IL3RA: variants seen among roughly 807,000 people sequenced by gnomAD.
The protein encoded by IL3RA is interleukin-3 receptor subunit alpha.
A neutral mutation model predicts 52.3 loss-of-function variants in IL3RA; 73 were observed. That is an observed-to-expected ratio of 1.40 (90% CI 1.16 to 1.70). The LOEUF (loss-of-function observed/expected upper bound fraction) is 1.70. IL3RA is among the 40% of genes most tolerant of loss of function. The pLI, the probability that IL3RA is intolerant of heterozygous loss-of-function variation, is 0.00. For missense variants in IL3RA, 664 were observed against 504.4 expected (o/e 1.32, Z -3.03); for synonymous variants, 260 against 194.0 (o/e 1.34, Z -2.83).
At chrX:1,351,834 T>C (rs781672137) in intron 4 of IL3RA, among the ~76,000 whole-genome samples, 1 of 151,568 alleles carries the variant, frequency 6.6e-6, no homozygotes, top group Non-Finnish European at 1.5e-5. Flanking sequence ...TTCACCATGT[T>C]AGCCAGGCTG....
intron 11 of IL3RA, among the ~76,000 whole-genome samples, chrX:1,381,888 GA>G (rs2089192554): frequency 6.6e-6 from 1 of 151,854 alleles, no homozygotes; most frequent in Admixed American, 6.6e-5. Flanking sequence ...TAAGAGAAAG[GA>G]AGGGCAGAGG....
At chrX:1,366,551 C>A (rs868627060) in intron 9 of IL3RA, among the ~76,000 whole-genome samples, 1 of 20,500 alleles carries the variant, frequency 4.9e-5, no homozygotes, top group Admixed American at 6.0e-4. Context: ...CGGGGTGAGC[C>A]GGGTGCGCGG....
At chrX:1,382,209 A>G (rs1225806966) in intron 11 of IL3RA, among the ~76,000 whole-genome samples, 182 bp from the exon 12 acceptor site, 2 of 148,248 alleles carry the variant, frequency 1.3e-5, no homozygotes, top group African/African-American at 2.6e-5. Context: ...TCGGCCTCCC[A>G]AAGTGCTGGG....
At chrX:1,358,761 G>GT in intron 7 of IL3RA, 100 bp from the exon 8 acceptor site, 1 of 1,343,344 alleles carries the variant, frequency 7.4e-7, no homozygotes, top group Non-Finnish European at 1.1e-6. Context: ...AGCCCTCACT[G>GT]TTTTGCTGGT....
intron 10 of IL3RA, 84 bp downstream of exon 10, chrX:1,378,848 CATTATT>C: frequency 7.8e-7 from 1 of 1,274,062 alleles, no homozygotes; most frequent in East Asian, 2.4e-5. Context: ...TGAGAATTAT[CATTATT>C]ATTTTTGTGA....
Position 1,382,573 on chromosome X carries a change from C to T in IL3RA, c.*108C>T, listed in dbSNP as rs2089231869. The T allele has an allele frequency of 9.8e-7, 1 of 1,016,106 alleles. No homozygotes were observed. The highest frequency in any genetic ancestry group is 1.6e-6 in the Non-Finnish European group (1 of 639,876). The allele number at this position is 1,016,106 out of a possible 1,614,324, so 62.9% of individuals were successfully genotyped here. A position where few individuals can be genotyped will look rare whatever the true frequency, so the allele number is the denominator to read the frequency against. The stretch of plus-strand genomic sequence containing the variant: ...CGCACGCAGCCCAGGAATGGACATT[C>T]CTAACGGGTGGTGGGCATGGGAGAT... On this transcript the variant is annotated 3_prime_UTR_variant, in exon 12 of 12. Transcript: ENST00000331035.
At chrX:1,354,687 CAGG>C (rs1307360920) in intron 6 of IL3RA, among the ~76,000 whole-genome samples, 1 of 46,930 alleles carries the variant, frequency 2.1e-5, no homozygotes, top group Non-Finnish European at 3.7e-5. Context: ...GAGAAGAAAA[CAGG>C]AGGGGGAGGA....
rs1247604652 is a variant in IL3RA, at chrX:1,348,684, T to TTCTTTCTTTC, written c.298+148_298+149insCTCTTTCTTT. ...TTTCTTTCTTTCTTTCTTTCTTTCT[T>TTCTTTCTTTC]TCTTTCTTTTTCTTTCTTTCTGTTT... On this transcript the variant is annotated intron_variant, in intron 4 of 11. Coordinates refer to ENST00000331035, the MANE Select transcript of IL3RA (RefSeq NM_002183.4). 665 of 272,608 alleles carry TTCTTTCTTTC rather than the reference T, an allele frequency of 2.4e-3. 46 individuals carry two copies. Among genetic ancestry groups the TTCTTTCTTTC allele is most frequent in the Non-Finnish European group, 4.0e-3 (579 of 145,378 alleles). The allele number at this position is 272,608 out of a possible 1,614,324, so 16.9% of individuals were successfully genotyped here. A position where few individuals can be genotyped will look rare whatever the true frequency, so the allele number is the denominator to read the frequency against.
rs770525525 is a variant in IL3RA at position 1,368,665 on chromosome X, G to A, written c.874+3413G>A. ...CAGGACTGGGGTCCTTATAAGAAGA[G>A]GAGATGAGGACACAGACACACACAG... On this transcript the variant is annotated intron_variant, in intron 9 of 11. Transcript: ENST00000331035. 2.6e-5 allele frequency among the ~76,000 whole-genome samples: 4 copies of A among 152,210 alleles called. No homozygotes were observed. The South Asian group carries it at 8.3e-4, about 32-fold the overall frequency.
intron 6 of IL3RA, among the ~76,000 whole-genome samples, chrX:1,353,775 C>T: frequency 6.7e-6 from 1 of 148,422 alleles, no homozygotes; most frequent in Non-Finnish European, 1.5e-5. Context: ...CATAGGATCC[C>T]CTATCATGGG....
chrX:1,344,970 G>A (rs2085669907), intron 2 of IL3RA, among the ~76,000 whole-genome samples: 1 of 145,634 alleles, frequency 6.9e-6, no homozygotes, highest in Admixed American at 7.1e-5. Flanking sequence ...AGACCATCCT[G>A]GCTAACACGG....
intron 9 of IL3RA, 96 bp downstream of exon 9, chrX:1,365,348 C>T (rs1228006778): frequency 1.5e-5 from 4 of 271,876 alleles, no homozygotes; most frequent in African/African-American, 1.4e-4. Flanking sequence ...GCGGGGTGAG[C>T]GGGGTGAGCG....
intron 2 of IL3RA, among the ~76,000 whole-genome samples, chrX:1,344,592 G>C (rs1416851565): frequency 6.6e-6 from 1 of 151,318 alleles, no homozygotes; most frequent in African/African-American, 2.4e-5. Flanking sequence ...GGCCAACATG[G>C]TGAAACCCCA....
intron 8 of IL3RA, among the ~76,000 whole-genome samples, chrX:1,360,231 T>G (rs2087122697): frequency 4.7e-5 from 2 of 42,826 alleles, no homozygotes; most frequent in Non-Finnish European, 4.7e-5. Context: ...TCTCTGTGTC[T>G]GTCTCTGTAT....
At chrX:1,357,794 GT>G (rs1180616741) in intron 7 of IL3RA, among the ~76,000 whole-genome samples, 283 of 139,972 alleles carry the variant, frequency 2.0e-3, no homozygotes, top group Admixed American at 2.7e-3. Context: ...ATCTGTTTGG[GT>G]TTTTTTTTTT....
chrX:1,357,402 C>T (rs1289305162), intron 7 of IL3RA, among the ~76,000 whole-genome samples: 2 of 151,672 alleles, frequency 1.3e-5, no homozygotes, highest in African/African-American at 4.8e-5. Flanking sequence ...GCTCTGTTGC[C>T]CAGGCTGGGG....
chrX:1,352,110 T>C lies in IL3RA; in HGVS notation c.309T>C (p.Pro103=). The change falls in exon 5 of 12, where the codon CCT becomes CCC. Residue 103 remains proline (P), a synonymous_variant. Transcript: ENST00000331035. ...TGTTTGTGAACCCAGGTGGGAAGCC[T>C]TGGGCAGGTGCGGAGAATCTGACCT... ...WILFPENSGK[P]WAGAENLTCW... 1.2e-6 allele frequency: 2 copies of C among 1,613,760 alleles called. No individual in the cohort carries two copies. Among genetic ancestry groups the C allele is most frequent in the South Asian group, 2.2e-5 (2 of 91,070 alleles).
chrX:1,342,166 C>G (rs7880458), intron 2 of IL3RA, among the ~76,000 whole-genome samples: 130,559 of 151,920 alleles, frequency 0.86, 56,639 homozygotes, highest in Non-Finnish European at 0.93. Flanking sequence ...TTTTCATTTT[C>G]TTATTATTTT....
chrX:1,345,458 T>C (rs1376283776), intron 3 of IL3RA, 24 bp downstream of exon 3: 6 of 1,357,578 alleles, frequency 4.4e-6, no homozygotes, highest in South Asian at 1.5e-5. Context: ...TCTATTGTTT[T>C]TTTATTTTTA....
Sources: gnomAD v4.1 joint callset for allele counts (sites outside exome capture counted in the v4.1 genomes callset) on GRCh38, gnomAD v4.1.1 for gene constraint, MANE v1.5 for transcripts, NCBI Gene and HGNC (gene_info 2026-07-23, HGNC 2026-07-21) for gene names.